The following MINDY4 variants were observed in gnomAD, a reference collection of about 807,000 sequenced individuals.
The protein encoded by MINDY4 is MINDY lysine 48 deubiquitinase 4, also known as probable ubiquitin carboxyl-terminal hydrolase MINDY-4.
MINDY4 carries 68 observed loss-of-function variants against 87.0 expected under a neutral mutation model. The observed-to-expected ratio is 0.78, with a 90% CI of 0.64 to 0.96. The LOEUF is 0.96. MINDY4 is among the 40% of genes least tolerant of loss of function. The pLI is 0.00. For missense variants in MINDY4, 919 were observed against 928.2 expected, an observed-to-expected ratio of 0.99 and a Z score of 0.13; for synonymous variants, 379 against 363.2, an observed-to-expected ratio of 1.04 and a Z score of -0.50.
chr7:30,858,984 G>C (rs1789664566), intron 12 of MINDY4: 1 of 684,474 alleles, frequency 1.5e-6, no homozygotes, highest in Middle Eastern at 2.4e-4. Context: ...CATGACTGTT[G>C]CTGTCTTGTG....
chr7:30,810,849 A>G (rs1188338646), intron 5 of MINDY4, among the ~76,000 whole-genome samples: 5 of 152,202 alleles, frequency 3.3e-5, no homozygotes, highest in African/African-American at 1.2e-4. Context: ...AAAAACTAAT[A>G]AAAATAGGTG....
chr7:30,838,863 G>C (rs1188256266), intron 7 of MINDY4, among the ~76,000 whole-genome samples: 4 of 152,104 alleles, frequency 2.6e-5, no homozygotes, highest in Non-Finnish European at 5.9e-5. Context: ...CCCTAGTCTT[G>C]CCTGTGGAAG....
intron 6 of MINDY4, among the ~76,000 whole-genome samples, chr7:30,836,213 A>G (rs57376826): frequency 0.091 from 13,908 of 152,224 alleles, 807 homozygotes; most frequent in African/African-American, 0.15. Context: ...CAATGGTTCC[A>G]TTTTCTTTCC....
Position 30,782,064 on chromosome 7 carries a change from CAAGA to C in MINDY4, c.272_275del (p.Gln91LeufsTer26). 6.2e-7 allele frequency: 1 copy of C among 1,614,084 alleles called. No individual in the cohort carries two copies. On this transcript the variant is annotated frameshift_variant, in exon 3 of 18. Coordinates refer to ENST00000265299, the MANE Select transcript of MINDY4 (RefSeq NM_032222.3). LOFTEE classifies it high-confidence loss of function. ...TGGAAATACGGCTAACAATTTCACT[CAAGA>C]TACCCCAATCCCTGCACTCTCAGTT... is the stretch of plus-strand genomic sequence containing the variant.
chr7:30,777,004 T>C (rs1562527376), intron 1 of MINDY4, among the ~76,000 whole-genome samples: 2 of 150,818 alleles, frequency 1.3e-5, no homozygotes, highest in African/African-American at 4.8e-5. Flanking sequence ...CTTTCTTTCT[T>C]TTTCTTTTTC....
intron 5 of MINDY4, among the ~76,000 whole-genome samples, chr7:30,809,490 A>T (rs1233893283): frequency 6.6e-6 from 1 of 151,978 alleles, no homozygotes; most frequent in Non-Finnish European, 1.5e-5. Flanking sequence ...AGGCCCGACC[A>T]GACCTAGGAG....
At chr7:30,811,899 T>C (rs554494374) in intron 5 of MINDY4, among the ~76,000 whole-genome samples, 15 of 152,328 alleles carry the variant, frequency 9.8e-5, no homozygotes, top group South Asian at 4.1e-4. Context: ...GACGTGAGTC[T>C]TGCCAAAGCT....
chr7:30,815,961 C>T (rs543484176), intron 5 of MINDY4, among the ~76,000 whole-genome samples: 1 of 152,232 alleles, frequency 6.6e-6, no homozygotes, highest in African/African-American at 2.4e-5. Context: ...TAAAATAAAC[C>T]AAGATGAGAG....
At chr7:30,868,695 A>G (rs1222988503) in intron 13 of MINDY4, among the ~76,000 whole-genome samples, 5 of 152,216 alleles carry the variant, frequency 3.3e-5, no homozygotes, top group Admixed American at 3.3e-4. Flanking sequence ...GTTTCTTGAT[A>G]CAGCGTAGTA....
chr7:30,841,209 G>A (rs1789025582), intron 9 of MINDY4, among the ~76,000 whole-genome samples: 1 of 152,054 alleles, frequency 6.6e-6, no homozygotes, highest in African/African-American at 2.4e-5. Flanking sequence ...CCCTCCCCAC[G>A]CTATCTCCCC....
intron 5 of MINDY4, among the ~76,000 whole-genome samples, chr7:30,800,208 G>A (rs546855414): frequency 1.3e-5 from 2 of 152,264 alleles, no homozygotes; most frequent in East Asian, 3.9e-4. Flanking sequence ...CAACCCCTAG[G>A]TATTACAGTA....
chr7:30,839,401 C>A, intron 8 of MINDY4, 85 bp downstream of exon 8: 1 of 775,334 alleles, frequency 1.3e-6, no homozygotes, highest in South Asian at 2.1e-5. Flanking sequence ...TTGGTTAATC[C>A]TGTGAGCATT....
intron 13 of MINDY4, among the ~76,000 whole-genome samples, chr7:30,859,655 C>T (rs965072349): frequency 1.3e-5 from 2 of 152,160 alleles, no homozygotes; most frequent in African/African-American, 4.8e-5. Flanking sequence ...AGGGGATGGA[C>T]AATTGAGGCT....
Position 30,771,457 on chromosome 7 carries a change from CGG to C in MINDY4, c.-36_-35del. On this transcript the variant is annotated 5_prime_UTR_variant, in exon 1 of 18. Coordinates refer to ENST00000265299, the MANE Select transcript of MINDY4 (RefSeq NM_032222.3). Reference sequence around the variant, plus strand: ...GACCCAGTTGCCTGGTGCTGCGGCCCGGCGTGGGCCTCGTGGGCAGAGCCAGA... The same window carrying C: ...GACCCAGTTGCCTGGTGCTGCGGCCCCGTGGGCCTCGTGGGCAGAGCCAGA... The C allele has an allele frequency of 6.3e-7, 1 of 1,587,256 alleles. No homozygotes were observed. The highest frequency in any genetic ancestry group is 8.6e-7 in the Non-Finnish European group (1 of 1,168,320).
chr7:30,872,639 C>G (rs1383345063), intron 14 of MINDY4, among the ~76,000 whole-genome samples: 1 of 152,224 alleles, frequency 6.6e-6, no homozygotes. Context: ...ATGTCTCAGG[C>G]ATGGGCCAGG....
intron 6 of MINDY4, among the ~76,000 whole-genome samples, chr7:30,830,213 C>T (rs919957919): frequency 2.0e-5 from 3 of 152,140 alleles, no homozygotes; most frequent in East Asian, 1.9e-4. Context: ...AGCGCATATG[C>T]AAGGCTCGGT....
intron 9 of MINDY4, among the ~76,000 whole-genome samples, chr7:30,841,635 TAA>T (rs202120302): frequency 1.3e-5 from 2 of 148,806 alleles, no homozygotes; most frequent in East Asian, 2.0e-4. Context: ...TGGCCTTTTT[TAA>T]AAAAAAAAAA....
At chr7:30,851,764 G>A (rs986400348) in intron 10 of MINDY4, among the ~76,000 whole-genome samples, 5 of 152,214 alleles carry the variant, frequency 3.3e-5, no homozygotes, top group African/African-American at 1.2e-4. Flanking sequence ...CCCCAAACCC[G>A]GCTCCGATTC....
chr7:30,846,035 C>T (rs1239220474), intron 9 of MINDY4, among the ~76,000 whole-genome samples: 1 of 152,176 alleles, frequency 6.6e-6, no homozygotes, highest in Non-Finnish European at 1.5e-5. Flanking sequence ...GAGGCGGGTG[C>T]GGATCTGAGA....
Sources: allele counts gnomAD v4.1 joint callset (sites outside exome capture counted in the v4.1 genomes callset), GRCh38; gene constraint gnomAD v4.1.1; transcripts MANE v1.5; gene names NCBI Gene and HGNC (gene_info 2026-07-23, HGNC 2026-07-21).